Variants in PCDHA3 observed in about 807,000 individuals in gnomAD.
PCDHA3 encodes the protein protocadherin alpha-3.
A neutral mutation model predicts 62.2 loss-of-function variants in PCDHA3; 41 were observed. The observed-to-expected ratio is 0.66, with a 90% CI of 0.51 to 0.86. The LOEUF (loss-of-function observed/expected upper bound fraction) is 0.86. Ranked by LOEUF, PCDHA3 falls within the 40% of genes least tolerant of loss-of-function variation. PCDHA3 has a pLI of 0.00. For missense variants in PCDHA3, 1,304 were observed against 1,241.2 expected, an observed-to-expected ratio of 1.05 and a Z score of -0.76; for synonymous variants, 640 against 555.4, an observed-to-expected ratio of 1.15 and a Z score of -2.14.
intron 1 of PCDHA3, among the ~76,000 whole-genome samples, chr5:140,915,282 T>C (rs2077058994): frequency 2.0e-5 from 3 of 152,152 alleles, no homozygotes; most frequent in South Asian, 2.1e-4. Flanking sequence ...CATCATTTAC[T>C]CTTTCTACTT....
chr5:140,851,007 T>G, intron 1 of PCDHA3: 1 of 1,436,880 alleles, frequency 7.0e-7, no homozygotes, highest in Non-Finnish European at 9.2e-7. Context: ...CCAGCAGATT[T>G]TTTTTCTGAT....
At chr5:140,917,352 C>G (rs2078160172) in intron 1 of PCDHA3, among the ~76,000 whole-genome samples, 1 of 141,764 alleles carries the variant, frequency 7.1e-6, no homozygotes, top group African/African-American at 2.6e-5. Context: ...GTGTAGGCTT[C>G]TGTTCCACTA....
At chr5:140,803,841 T>G (rs1763288452) in intron 1 of PCDHA3, 3 of 604,004 alleles carry the variant, frequency 5.0e-6, no homozygotes, top group Non-Finnish European at 8.5e-6. Context: ...AGAATTATTT[T>G]ATTGCTAAAT....
At chr5:140,855,946 A>G in intron 1 of PCDHA3, 4 of 1,354,082 alleles carry the variant, frequency 3.0e-6, no homozygotes, top group Non-Finnish European at 4.0e-6. Flanking sequence ...GATCTCAGCC[A>G]TTTCGATAAA....
chr5:140,981,141 A>G (rs957272254), intron 2 of PCDHA3, among the ~76,000 whole-genome samples: 2 of 152,242 alleles, frequency 1.3e-5, no homozygotes, highest in African/African-American at 4.8e-5. Flanking sequence ...AAAGAGTGAG[A>G]AAACATTGAA....
intron 1 of PCDHA3, chr5:140,808,274 G>A: frequency 7.4e-6 from 12 of 1,614,206 alleles, no homozygotes; most frequent in Non-Finnish European, 1.0e-5. Flanking sequence ...TAGAGAGGAC[G>A]CTCCACTGGG....
intron 3 of PCDHA3, among the ~76,000 whole-genome samples, chr5:140,989,918 G>A (rs1554251173): frequency 6.6e-6 from 1 of 151,960 alleles, no homozygotes; most frequent in East Asian, 1.9e-4. Flanking sequence ...AAGAGGGAGA[G>A]CAGAGATAGA....
At chr5:140,854,018 C>T (rs1041101905) in intron 1 of PCDHA3, 6 of 346,140 alleles carry the variant, frequency 1.7e-5, no homozygotes, top group East Asian at 1.7e-4. Context: ...AAAAATTAGC[C>T]GGGCATGGTG....
chr5:140,897,174 G>C (rs1356780883), intron 1 of PCDHA3, among the ~76,000 whole-genome samples: 1 of 151,818 alleles, frequency 6.6e-6, no homozygotes, highest in Non-Finnish European at 1.5e-5. Context: ...TATCTCCATG[G>C]GTTCAAAAAA....
At chr5:140,972,917 C>T (rs1279060017) in intron 1 of PCDHA3, among the ~76,000 whole-genome samples, 1 of 152,074 alleles carries the variant, frequency 6.6e-6, no homozygotes, top group Non-Finnish European at 1.5e-5. Context: ...CCGCCTTGGC[C>T]TCCCAAAGTG....
chr5:140,937,785 G>T (rs962276976), intron 1 of PCDHA3, among the ~76,000 whole-genome samples: 2 of 150,438 alleles, frequency 1.3e-5, no homozygotes, highest in African/African-American at 4.9e-5. Flanking sequence ...GGTGGCGGGC[G>T]TATGTAGTCC....
intron 1 of PCDHA3, chr5:140,829,720 G>C: frequency 6.2e-7 from 1 of 1,613,502 alleles, no homozygotes; most frequent in Non-Finnish European, 8.5e-7. Flanking sequence ...CGGGCGTGCC[G>C]CCTCTGGGCA....
chr5:140,862,756 G>C (rs1027587772), intron 1 of PCDHA3: 46 of 577,592 alleles, frequency 8.0e-5, no homozygotes, highest in Non-Finnish European at 1.4e-4. Context: ...CGCGGAGAGC[G>C]GCAAGAGGTA....
At chr5:140,899,841 T>C (rs2067584927) in intron 1 of PCDHA3, among the ~76,000 whole-genome samples, 1 of 152,208 alleles carries the variant, frequency 6.6e-6, no homozygotes, top group Non-Finnish European at 1.5e-5. Flanking sequence ...CAGGTCTTGC[T>C]GTGTCACCCA....
Position 140,803,101 on chromosome 5 carries a change from G to A in PCDHA3, c.1904G>A (p.Arg635His), listed in dbSNP as rs1763115114. 6 of 1,613,840 alleles carry A rather than the reference G, an allele frequency of 3.7e-6. No individual in the cohort carries two copies. In the East Asian group the frequency reaches 1.3e-4, roughly 36 times the overall value. Residue 635 changes from arginine (R) to histidine (H), a missense_variant, in exon 1 of 4, where the codon CGT becomes CAT. Physicochemically the swap from Arg to His is conservative, Grantham distance 29. Transcript: ENST00000522353. ...TACACGGGAGAGATCAGCACGACCC[G>A]TGCCCTGGACGAGGTGGACGCCCCG... Reference protein sequence around the residue: ...GLYTGEISTTRALDEVDAPRH... With the variant: ...GLYTGEISTTHALDEVDAPRH...
Position 140,801,808 on chromosome 5 carries a change from A to T in PCDHA3, c.611A>T (p.Asp204Val). ...TTGAAAAAAAATTTAAATCGAGAGG[A>T]CACTCCTAAGCATTATTTACTAATA... is the stretch of plus-strand genomic sequence containing the variant. ...LVLKKNLNRE[D>V]TPKHYLLITA... Residue 204 changes from aspartate (D) to valine (V), a missense_variant, in exon 1 of 4, where the codon GAC becomes GTC. Transcript: ENST00000522353. 6.2e-7 allele frequency: 1 copy of T among 1,614,124 alleles called. No homozygotes were observed. The highest frequency in any genetic ancestry group is 8.5e-7 in the Non-Finnish European group (1 of 1,180,036).
In PCDHA3 at chr5:140,883,789, C is replaced by T. The variant is rs782802452; in HGVS notation, c.2394+80198C>T. ...TGGGCGAGCGTGCGCTGTCGAGCTACGTGTCGGTGCACGCGGAGAGCGGCA... is the reference window on the plus strand; with the variant it reads ...TGGGCGAGCGTGCGCTGTCGAGCTATGTGTCGGTGCACGCGGAGAGCGGCA... On this transcript the variant is annotated intron_variant, in intron 1 of 3. Coordinates refer to ENST00000522353, the MANE Select transcript of PCDHA3 (RefSeq NM_018906.3). 1.4e-5 allele frequency: 22 copies of T among 1,612,296 alleles called. No homozygotes were observed. In the South Asian group the frequency reaches 2.0e-4, roughly 14 times the overall value.
chr5:140,804,384 G>A (rs1763385870), intron 1 of PCDHA3: 1 of 151,792 alleles, frequency 6.6e-6, no homozygotes, highest in East Asian at 1.9e-4. Flanking sequence ...TCAATATGAA[G>A]TGAAAATTTA....
chr5:140,837,350 T>C (rs1318218282), intron 1 of PCDHA3, among the ~76,000 whole-genome samples: 1 of 152,032 alleles, frequency 6.6e-6, no homozygotes, highest in Non-Finnish European at 1.5e-5. Context: ...TAAAATAGTT[T>C]AAATGGCAGT....
Sources: allele counts gnomAD v4.1 joint callset (sites outside exome capture counted in the v4.1 genomes callset), GRCh38; gene constraint gnomAD v4.1.1; transcripts MANE v1.5; gene names NCBI Gene and HGNC (gene_info 2026-07-23, HGNC 2026-07-21).